The following IL13RA1 variants were observed in gnomAD, a reference collection of about 807,000 sequenced individuals.
IL13RA1 encodes interleukin 13 receptor subunit alpha 1, also known as interleukin-13 receptor subunit alpha-1.
IL13RA1 carries 14 observed loss-of-function variants against 33.8 expected under a neutral mutation model. The ratio of observed to expected loss-of-function variants is 0.41; its 90% CI spans 0.27 to 0.65. The LOEUF is 0.65. Ranked by LOEUF, IL13RA1 falls within the 30% of genes least tolerant of loss-of-function variation. The pLI is 0.28. For synonymous variants in IL13RA1, 116 were observed against 115.7 expected, an observed-to-expected ratio of 1.00 and a Z score of -0.02; for missense variants, 313 against 327.0, an observed-to-expected ratio of 0.96 and a Z score of 0.33.
intron 2 of IL13RA1, 146 bp from the exon 3 acceptor site, chrX:118,746,808 C>T: frequency 2.3e-6 from 1 of 426,168 alleles, no homozygotes. Context: ...GTAGGGAGAA[C>T]AAAATCAGCC....
chrX:118,748,117 TATA>T (rs1266978006), intron 3 of IL13RA1, among the ~76,000 whole-genome samples: 4 of 101,715 alleles, frequency 3.9e-5, no homozygotes, highest in East Asian at 2.9e-4. Flanking sequence ...ATGTAATATA[TATA>T]ATATTATATA....
downstream of IL13RA1, among the ~76,000 whole-genome samples, chrX:118,798,503 T>G (rs1394320271): frequency 1.8e-5 from 2 of 111,658 alleles, no homozygotes; most frequent in Non-Finnish European, 3.8e-5. Flanking sequence ...CATGAATTTT[T>G]GGGGGGAGAC....
At chrX:118,728,125 G>A (rs2017176238) in intron 1 of IL13RA1, among the ~76,000 whole-genome samples, 1 of 112,768 alleles carries the variant, frequency 8.9e-6, no homozygotes, top group Non-Finnish European at 1.9e-5. Context: ...CTGTGAGCCC[G>A]GGAGGAAATG....
intron 10 of IL13RA1, 45 bp from the exon 11 acceptor site, chrX:118,791,717 T>G: frequency 1.7e-6 from 1 of 578,667 alleles, no homozygotes; most frequent in Non-Finnish European, 2.9e-6. Context: ...GAAAGAACAC[T>G]GTTTAGATAT....
chrX:118,769,449 A>G (rs1039604925), intron 8 of IL13RA1, among the ~76,000 whole-genome samples: 3 of 112,316 alleles, frequency 2.7e-5, no homozygotes, highest in Non-Finnish European at 5.6e-5. Context: ...ATCTGCTTAA[A>G]TGGGAGATAA....
the IL13RA1 span, among the ~76,000 whole-genome samples, chrX:118,801,666 G>C: frequency 8.9e-6 from 1 of 112,479 alleles, no homozygotes; most frequent in Non-Finnish European, 1.9e-5. Flanking sequence ...GTTGCTGTGA[G>C]GTGTCAGTGA....
At chrX:118,784,366 A>G (rs1270032401) in intron 10 of IL13RA1, among the ~76,000 whole-genome samples, 1 of 109,056 alleles carries the variant, frequency 9.2e-6, no homozygotes, top group African/African-American at 3.3e-5. Context: ...AATAGTTCAT[A>G]CTTATGGAAC....
chrX:118,763,094 A>T (rs2017606718), intron 6 of IL13RA1, among the ~76,000 whole-genome samples: 1 of 111,606 alleles, frequency 9.0e-6, no homozygotes, highest in African/African-American at 3.3e-5. Context: ...TACCTGGGTG[A>T]TGGGTTGATC....
intron 8 of IL13RA1, among the ~76,000 whole-genome samples, chrX:118,769,485 G>C (rs1451149931): frequency 8.9e-6 from 1 of 112,309 alleles, no homozygotes; most frequent in African/African-American, 3.2e-5. Context: ...ATATATATGA[G>C]ATAAGCATGC....
rs373160976 is a variant in IL13RA1 at position 118,752,698 on chromosome X, A to G, written c.488+2920A>G. Among the ~76,000 whole-genome samples the G allele has an allele frequency of 7.1e-5, 8 of 112,489 alleles. No individual in the cohort carries two copies. In the East Asian group the frequency reaches 1.7e-3, roughly 23 times the overall value. On this transcript the variant is annotated intron_variant, in intron 4 of 10. Transcript: ENST00000371666. ...TCTTGTTTCTCCTGGTGCCTGATAT[A>G]TAGTAGGTATTCCATAAATAAGTTG...
intron 8 of IL13RA1, among the ~76,000 whole-genome samples, chrX:118,769,401 G>A (rs1192304010): frequency 2.7e-5 from 3 of 112,391 alleles, no homozygotes; most frequent in East Asian, 2.8e-4. Context: ...AAATCCTTCC[G>A]GATGACTTAC....
intron 9 of IL13RA1, 92 bp downstream of exon 9, chrX:118,774,067 T>C (rs757172234): frequency 5.9e-6 from 3 of 505,000 alleles, no homozygotes; most frequent in Non-Finnish European, 1.0e-5. Context: ...GTCTGCCCAG[T>C]GTATTAGAAG....
chrX:118,776,544 T>TTG (rs1556370929), intron 10 of IL13RA1, 33 bp downstream of exon 10: 1 of 431,311 alleles, frequency 2.3e-6, no homozygotes, highest in African/African-American at 4.7e-5. Context: ...TTGAAATGTT[T>TTG]TTTTTTTTTT....
chrX:118,729,725 A>G (rs1194186158), intron 1 of IL13RA1, among the ~76,000 whole-genome samples: 6 of 112,404 alleles, frequency 5.3e-5, no homozygotes, highest in Middle Eastern at 4.2e-3. Context: ...ATCTTTACCA[A>G]TAATATAACT....
At chrX:118,743,762 G>A (rs902573605) in intron 2 of IL13RA1, among the ~76,000 whole-genome samples, 3 of 111,698 alleles carry the variant, frequency 2.7e-5, no homozygotes, top group African/African-American at 9.8e-5. Flanking sequence ...TCCCTGCAGG[G>A]TGGAGCATAA....
At chrX:118,741,884 T>C in intron 2 of IL13RA1, among the ~76,000 whole-genome samples, 1 of 111,179 alleles carries the variant, frequency 9.0e-6, no homozygotes, top group Non-Finnish European at 1.9e-5. Context: ...GAGAAGTTAT[T>C]AGCAACAGTG....
intron 8 of IL13RA1, among the ~76,000 whole-genome samples, chrX:118,769,480 T>C (rs2017686611): frequency 8.9e-6 from 1 of 112,354 alleles, no homozygotes; most frequent in Admixed American, 9.4e-5. Context: ...ATAGCATATA[T>C]ATGAGATAAG....
the IL13RA1 span, among the ~76,000 whole-genome samples, chrX:118,803,050 G>A: frequency 8.9e-6 from 1 of 112,306 alleles, no homozygotes; most frequent in Non-Finnish European, 1.9e-5. Flanking sequence ...CATGTTCCAA[G>A]CCTTTCTTAA....
chrX:118,765,272 T>C (rs2017635172), intron 6 of IL13RA1, among the ~76,000 whole-genome samples: 1 of 108,395 alleles, frequency 9.2e-6, no homozygotes, highest in South Asian at 4.0e-4. Flanking sequence ...TTTTTTTTTT[T>C]TTTTGTATTT....
Sources: allele counts gnomAD v4.1 joint callset (sites outside exome capture counted in the v4.1 genomes callset), GRCh38; gene constraint gnomAD v4.1.1; transcripts MANE v1.5; gene names NCBI Gene and HGNC (gene_info 2026-07-23, HGNC 2026-07-21).